The following COIL variants were observed in gnomAD, a reference collection of about 807,000 sequenced individuals.
COIL encodes the protein coilin p80.
Under a neutral mutation model 51.6 loss-of-function variants are expected in COIL, and 28 were observed. The observed-to-expected ratio is 0.54, with a 90% CI of 0.40 to 0.74. COIL has a LOEUF of 0.74. Among genes scored for constraint, COIL ranks in the 30% least tolerant of loss-of-function variants. The pLI, the probability that COIL is intolerant of heterozygous loss-of-function variation, is 0.00. For missense variants in COIL, 667 were observed against 685.9 expected, an observed-to-expected ratio of 0.97 and a Z score of 0.31; for synonymous variants, 233 against 255.8, an observed-to-expected ratio of 0.91 and a Z score of 0.85.
intron 5 of COIL, among the ~76,000 whole-genome samples, 187 bp from the exon 6 acceptor site, chr17:56,942,310 CA>C (rs1215251807): frequency 5.3e-5 from 8 of 152,160 alleles, no homozygotes; most frequent in Admixed American, 4.6e-4. Context: ...AACTCTGGAC[CA>C]GGGGGACTTC....
chr17:56,959,082 C>T (rs77840783), intron 1 of COIL, among the ~76,000 whole-genome samples: 6,514 of 152,064 alleles, frequency 0.043, 210 homozygotes, highest in East Asian at 0.16. Flanking sequence ...CAGTGGCTTA[C>T]GCCTGTAATC....
In COIL at chr17:56,942,105, T is replaced by G; in HGVS notation, c.1577A>C (p.Lys526Thr). 4 of 1,614,064 alleles carry G rather than the reference T, an allele frequency of 2.5e-6. No homozygotes were observed. Among genetic ancestry groups the G allele is most frequent in the Non-Finnish European group, 2.5e-6 (3 of 1,179,914 alleles). ...SSLPALREPGKFDLVYHNENG... is the reference protein window; with the variant it reads ...SSLPALREPGTFDLVYHNENG... ...TTCATTGTGATAAACTAAATCAAAT[T>G]TCCCAGGTTCTCTCAAGGCTGAAAC... The change falls in exon 6 of 7, where the codon AAA (lysine) becomes ACA (threonine). Residue 526 changes from lysine to threonine, a missense_variant. Transcript: ENST00000240316.
Position 56,946,511 on chromosome 17 carries a change from C to T in COIL, c.1489G>A (p.Glu497Lys), listed in dbSNP as rs1447884054. The change falls in exon 5 of 7, where the codon GAA becomes AAA. Residue 497 changes from glutamate to lysine, a missense_variant and splice_region_variant. Coordinates refer to ENST00000240316, the MANE Select transcript of COIL (RefSeq NM_004645.3). ...GGATTGTGGCTTAATATTCTTCCTT[C>T]CTTTCAAAAATAAAAGTCCAAGTCA... ...SYSPDVSDYK[E>K]GRILSHNPET... 4.4e-6 allele frequency: 7 copies of T among 1,605,876 alleles called. No individual in the cohort carries two copies. The highest frequency in any genetic ancestry group is 6.0e-6 in the Non-Finnish European group (7 of 1,173,820).
In COIL at chr17:56,948,427, C is replaced by G. The variant is rs113563931; in HGVS notation, c.1488+960G>C. Among the ~76,000 whole-genome samples, 170 of 152,184 alleles carry G rather than the reference C, an allele frequency of 1.1e-3. 1 individual carries two copies. The highest frequency in any genetic ancestry group is 4.0e-3 in the African/African-American group (167 of 41,526). On this transcript the variant is annotated intron_variant, in intron 4 of 6. Coordinates refer to ENST00000240316, the MANE Select transcript of COIL (RefSeq NM_004645.3). ...GTGCTGGGATTACAGGTGGGAGCCACCAAGCCCAGCCTTGAGGAAAGGTTT... is the reference window on the plus strand; with the variant it reads ...GTGCTGGGATTACAGGTGGGAGCCAGCAAGCCCAGCCTTGAGGAAAGGTTT...
chr17:56,941,533 G>A (rs906348590), intron 6 of COIL, among the ~76,000 whole-genome samples: 2 of 152,232 alleles, frequency 1.3e-5, no homozygotes, highest in Non-Finnish European at 2.9e-5. Flanking sequence ...TCATGCCACT[G>A]CATTTCAGCC....
intron 6 of COIL, 146 bp downstream of exon 6, chr17:56,941,889 C>T (rs1027298698): frequency 1.9e-5 from 12 of 641,872 alleles, no homozygotes; most frequent in East Asian, 5.3e-5. Context: ...GCCAAGATGG[C>T]GCCCTGATTT....
At chr17:56,948,132 AT>A (rs11450212) in intron 4 of COIL, among the ~76,000 whole-genome samples, 50 of 123,788 alleles carry the variant, frequency 4.0e-4, no homozygotes, top group Admixed American at 7.4e-4. Flanking sequence ...TTGAGGAAAG[AT>A]TTTTTTTTTT....
chr17:56,950,224 A>C lies in COIL; in HGVS notation c.1018T>G (p.Phe340Val), dbSNP rs1910332736. Reference protein sequence around the residue: ...SSSTPECAAGFLKTVGLFAGR... With the variant: ...SSSTPECAAGVLKTVGLFAGR... ...GCAAAAAGGCCTACTGTCTTTAAGA[A>C]ACCCGCAGCACACTCCGGGGTGCTC... Residue 340 changes from phenylalanine (F) to valine (V), a missense_variant, in exon 2 of 7, where the codon TTC becomes GTC. Physicochemically the swap from Phe to Val is conservative, Grantham distance 50 (BLOSUM62 -1). Transcript: ENST00000240316. 9 of 1,614,128 alleles carry C rather than the reference A, an allele frequency of 5.6e-6. No homozygotes were observed. The highest frequency in any genetic ancestry group is 7.6e-6 in the Non-Finnish European group (9 of 1,180,030).
chr17:56,956,576 T>C (rs567111813), intron 1 of COIL, among the ~76,000 whole-genome samples: 35 of 151,986 alleles, frequency 2.3e-4, no homozygotes, highest in African/African-American at 8.0e-4. Flanking sequence ...ATTTAATCAA[T>C]GTGTTTTTTT....
intron 5 of COIL, among the ~76,000 whole-genome samples, chr17:56,944,745 C>T (rs369030213): frequency 2.0e-5 from 3 of 152,042 alleles, no homozygotes; most frequent in South Asian, 2.1e-4. Flanking sequence ...AGGCCAGGTG[C>T]GGTGGTTCAT....
intron 1 of COIL, among the ~76,000 whole-genome samples, chr17:56,958,864 TA>T (rs1910529261): frequency 6.6e-6 from 1 of 152,268 alleles, no homozygotes; most frequent in South Asian, 2.1e-4. Context: ...CATTATTCAA[TA>T]AATCATAATA....
At chr17:56,947,198 GT>G (rs1397170498) in intron 4 of COIL, among the ~76,000 whole-genome samples, 1 of 151,978 alleles carries the variant, frequency 6.6e-6, no homozygotes, top group Non-Finnish European at 1.5e-5. Context: ...ACAGTCAACA[GT>G]TTTTTTTAAA....
intron 1 of COIL, among the ~76,000 whole-genome samples, chr17:56,954,833 T>C (rs1458848877): frequency 6.6e-6 from 1 of 151,950 alleles, no homozygotes; most frequent in African/African-American, 2.4e-5. Context: ...ATATTAAGAT[T>C]GAGAGGCAAA....
In COIL at chr17:56,949,915, C is replaced by T. The variant is rs1910323739; in HGVS notation, c.1327G>A (p.Val443Ile). Residue 443 changes from valine to isoleucine, a missense_variant, in exon 2 of 7, where the codon GTA (valine) becomes ATA (isoleucine). Coordinates refer to ENST00000240316, the MANE Select transcript of COIL (RefSeq NM_004645.3). The stretch of plus-strand genomic sequence containing the variant: ...TGGATAATAGTAGATGAATTTTTTA[C>T]CACGTCATTTAATTGCTGTTGCCTC... ...NQRQQQLNDVVKNSSTIIQNP... is the reference protein window; with the variant it reads ...NQRQQQLNDVIKNSSTIIQNP... 6.2e-7 allele frequency: 1 copy of T among 1,613,436 alleles called. No individual in the cohort carries two copies. The highest frequency in any genetic ancestry group is 8.5e-7 in the Non-Finnish European group (1 of 1,179,792).
chr17:56,951,241 T>C (rs113104567), intron 1 of COIL, among the ~76,000 whole-genome samples: 2,944 of 152,278 alleles, frequency 0.019, 50 homozygotes, highest in Middle Eastern at 0.051. Context: ...TTTTAATACG[T>C]TTTTCTCTAA....
chr17:56,953,649 A>T (rs1236948623), intron 1 of COIL, among the ~76,000 whole-genome samples: 2 of 152,154 alleles, frequency 1.3e-5, no homozygotes, highest in Non-Finnish European at 2.9e-5. Flanking sequence ...TTTGAAAATA[A>T]AGAACAACTG....
intron 1 of COIL, 101 bp downstream of exon 1, chr17:56,960,674 A>G (rs1484006620): frequency 1.2e-5 from 1 of 80,070 alleles, no homozygotes; most frequent in African/African-American, 3.0e-4. Context: ...CCCATCCCCC[A>G]TCCCCTCCAC....
chr17:56,945,313 G>T (rs192759378), intron 5 of COIL, among the ~76,000 whole-genome samples: 92 of 152,226 alleles, frequency 6.0e-4, no homozygotes, highest in Admixed American at 2.9e-3. Context: ...ACTCCAGCCT[G>T]GGCGATAGAG....
chr17:56,957,668 A>C (rs1411794605), intron 1 of COIL, among the ~76,000 whole-genome samples: 1 of 152,110 alleles, frequency 6.6e-6, no homozygotes, highest in East Asian at 1.9e-4. Context: ...AAATAAAAAA[A>C]CCAAATCTGC....
Sources: gnomAD v4.1 joint callset for allele counts (sites outside exome capture counted in the v4.1 genomes callset) on GRCh38, gnomAD v4.1.1 for gene constraint, MANE v1.5 for transcripts, NCBI Gene and HGNC (gene_info 2026-07-23, HGNC 2026-07-21) for gene names.